Variants in GRM7 observed in about 807,000 individuals in gnomAD.
GRM7 encodes the protein metabotropic glutamate receptor 7.
A neutral mutation model predicts 84.5 loss-of-function variants in GRM7; 35 were observed. The ratio of observed to expected loss-of-function variants is 0.41; its 90% CI spans 0.32 to 0.55. The LOEUF is 0.55. Ranked by LOEUF, GRM7 falls within the 20% of genes least tolerant of loss-of-function variation. The pLI is 0.19. For missense variants in GRM7, 1,003 were observed against 1,194.6 expected, an observed-to-expected ratio of 0.84 and a Z score of 2.36; for synonymous variants, 487 against 455.1, an observed-to-expected ratio of 1.07 and a Z score of -0.89.
intron 4 of GRM7, among the ~76,000 whole-genome samples, chr3:7,358,633 T>C (rs1693515562): frequency 6.7e-6 from 1 of 148,616 alleles, no homozygotes. Flanking sequence ...TTCCAAACTT[T>C]ATGTTACTGG....
chr3:7,322,454 A>G (rs563756546), intron 4 of GRM7, among the ~76,000 whole-genome samples: 25 of 151,972 alleles, frequency 1.6e-4, no homozygotes, highest in African/African-American at 5.5e-4. Context: ...TTGTTGTTAC[A>G]TGGATACGTT....
intron 1 of GRM7, among the ~76,000 whole-genome samples, chr3:7,081,800 A>C (rs1217587175): frequency 6.6e-6 from 1 of 152,124 alleles, no homozygotes; most frequent in Non-Finnish European, 1.5e-5. Context: ...GAAATGGAAA[A>C]TGTTTGAGTG....
intron 1 of GRM7, among the ~76,000 whole-genome samples, chr3:7,081,150 G>T (rs991726661): frequency 6.6e-6 from 1 of 151,974 alleles, no homozygotes; most frequent in African/African-American, 2.4e-5. Context: ...GGCATACCTT[G>T]TTTTATTATG....
Position 7,432,230 on chromosome 3 carries a change from T to G in GRM7, c.1174+17067T>G, listed in dbSNP as rs548931884. Among the ~76,000 whole-genome samples the G allele has an allele frequency of 2.0e-4, 30 of 152,324 alleles. No homozygotes were observed. The South Asian group carries it at 6.0e-3, about 30-fold the overall frequency. The stretch of plus-strand genomic sequence containing the variant: ...TTAATCAACCCTTATTACCTGATAA[T>G]TAAAGCTGATAAAACGCAAAGAAAA... On this transcript the variant is annotated intron_variant, in intron 5 of 9. Coordinates refer to ENST00000357716, the MANE Select transcript of GRM7 (RefSeq NM_000844.4).
chr3:6,885,569 A>C (rs1695660216), intron 1 of GRM7, among the ~76,000 whole-genome samples: 1 of 152,190 alleles, frequency 6.6e-6, no homozygotes, highest in Non-Finnish European at 1.5e-5. Context: ...CGACCCCCAA[A>C]GCCTAGTCCT....
intron 1 of GRM7, among the ~76,000 whole-genome samples, chr3:7,118,733 G>T (rs897276879): frequency 6.6e-6 from 1 of 151,964 alleles, no homozygotes; most frequent in Non-Finnish European, 1.5e-5. Context: ...CAATGAGCCA[G>T]TGCCTCTGGA....
chr3:7,170,492 T>C (rs1694948979), intron 2 of GRM7, among the ~76,000 whole-genome samples: 6 of 152,180 alleles, frequency 3.9e-5, no homozygotes, highest in Admixed American at 1.3e-4. Flanking sequence ...TTCCCCACTC[T>C]TGGGTTTGAT....
chr3:6,925,506 C>G (rs1697267730), intron 1 of GRM7, among the ~76,000 whole-genome samples: 1 of 152,126 alleles, frequency 6.6e-6, no homozygotes, highest in South Asian at 2.1e-4. Context: ...TGCTTTATAC[C>G]ATACTTAAGA....
rs1282693499 is a variant in GRM7 at position 6,945,961 on chromosome 3, C to T, written c.519+84054C>T. On this transcript the variant is annotated intron_variant, in intron 1 of 9. Transcript: ENST00000357716. ...TTCATTGTAGATTCTGGATATTAGC[C>T]CTTTGTCAGATGAGTAGGTTGCGAA... Among the ~76,000 whole-genome samples the T allele has an allele frequency of 7.2e-5, 11 of 152,034 alleles. No individual in the cohort carries two copies. The East Asian group carries it at 1.5e-3, about 21-fold the overall frequency.
intron 1 of GRM7, among the ~76,000 whole-genome samples, chr3:6,912,960 G>C (rs990315574): frequency 6.6e-6 from 1 of 152,212 alleles, no homozygotes; most frequent in South Asian, 2.1e-4. Flanking sequence ...TGTTTTGAGT[G>C]ATTATTCCAA....
At chr3:6,969,885 G>C (rs1464420147) in intron 1 of GRM7, among the ~76,000 whole-genome samples, 2 of 152,150 alleles carry the variant, frequency 1.3e-5, no homozygotes, top group Non-Finnish European at 2.9e-5. Flanking sequence ...GCAGAGTACT[G>C]GCTGTGACTG....
At chr3:6,898,442 A>C (rs1232056380) in intron 1 of GRM7, among the ~76,000 whole-genome samples, 1 of 151,926 alleles carries the variant, frequency 6.6e-6, no homozygotes. Context: ...CACGTGGTAG[A>C]AACAGTGAAT....
At chr3:7,492,712 A>G (rs185950482) in intron 7 of GRM7, among the ~76,000 whole-genome samples, 1 of 151,916 alleles carries the variant, frequency 6.6e-6, no homozygotes, top group Non-Finnish European at 1.5e-5. Context: ...TCTGCTCTTA[A>G]TATTTCTTCT....
chr3:7,426,228 T>G (rs549069062), intron 5 of GRM7, among the ~76,000 whole-genome samples: 1 of 152,236 alleles, frequency 6.6e-6, no homozygotes, highest in Admixed American at 6.5e-5. Context: ...CAAGTGATTC[T>G]CTTGCCTCAG....
chr3:7,498,226 C>T (rs534891629), intron 7 of GRM7, among the ~76,000 whole-genome samples: 1 of 152,214 alleles, frequency 6.6e-6, no homozygotes, highest in South Asian at 2.1e-4. Context: ...TGTTTGTCCA[C>T]TAGAGAAGTT....
chr3:7,696,569 TCACC>T (rs1209506079), intron 9 of GRM7, among the ~76,000 whole-genome samples: 1 of 152,190 alleles, frequency 6.6e-6, no homozygotes, highest in Non-Finnish European at 1.5e-5. Context: ...AACAGAGGCT[TCACC>T]CAACCTTAAA....
At chr3:7,001,946 A>C (rs1197736486) in intron 1 of GRM7, among the ~76,000 whole-genome samples, 1 of 152,330 alleles carries the variant, frequency 6.6e-6, no homozygotes, top group East Asian at 1.9e-4. Context: ...TAAGTCCCCT[A>C]AGCCAATTAC....
chr3:7,719,779 A>AACACAC (rs71043692), intron 9 of GRM7, among the ~76,000 whole-genome samples: 17,426 of 133,268 alleles, frequency 0.13, 1,430 homozygotes, highest in Non-Finnish European at 0.19. Context: ...ACCACTGGGC[A>AACACAC]ACACACACAC....
intron 9 of GRM7, among the ~76,000 whole-genome samples, chr3:7,716,622 G>T (rs1323515036): frequency 6.6e-6 from 1 of 152,140 alleles, no homozygotes; most frequent in East Asian, 1.9e-4. Flanking sequence ...GAAATTAACA[G>T]CCCCAGTCTA....
Sources: gnomAD v4.1 joint callset for allele counts (sites outside exome capture counted in the v4.1 genomes callset) on GRCh38, gnomAD v4.1.1 for gene constraint, MANE v1.5 for transcripts, NCBI Gene and HGNC (gene_info 2026-07-23, HGNC 2026-07-21) for gene names.